MICU1: variants seen among roughly 807,000 people sequenced by gnomAD.
MICU1 encodes mitochondrial calcium uptake 1, also known as calcium uptake protein 1, mitochondrial.
MICU1 carries 45 observed loss-of-function variants against 56.8 expected under a neutral mutation model. That is an observed-to-expected ratio of 0.79 (90% CI 0.62 to 1.02). The LOEUF (loss-of-function observed/expected upper bound fraction) is 1.02. Among genes scored for constraint, MICU1 ranks in the 50% least tolerant of loss-of-function variants. The pLI, the probability that MICU1 is intolerant of heterozygous loss-of-function variation, is 0.00. For synonymous variants in MICU1, 186 were observed against 195.1 expected (o/e 0.95, Z 0.39); for missense variants, 504 against 587.1 (o/e 0.86, Z 1.46).
At chr10:72,468,294 CTTTTT>C (rs35225891) in intron 8 of MICU1, among the ~76,000 whole-genome samples, 11 of 136,650 alleles carry the variant, frequency 8.0e-5, no homozygotes, top group Admixed American at 5.8e-4. Context: ...TTAGTTTTTG[CTTTTT>C]TTTTTTTTTT....
chr10:72,512,748 G>A (rs1307726269), intron 5 of MICU1, among the ~76,000 whole-genome samples: 2 of 151,144 alleles, frequency 1.3e-5, no homozygotes, highest in African/African-American at 4.9e-5. Context: ...CACCCAGGCT[G>A]GAGTGCAGTG....
chr10:72,438,698 T>C (rs999257675), intron 8 of MICU1, among the ~76,000 whole-genome samples: 9 of 151,816 alleles, frequency 5.9e-5, no homozygotes, highest in African/African-American at 7.3e-5. Flanking sequence ...ATAGATACAA[T>C]AGAAAATGAT....
chr10:72,577,733 T>TA (rs200025988), intron 1 of MICU1, among the ~76,000 whole-genome samples: 4 of 151,852 alleles, frequency 2.6e-5, no homozygotes, highest in African/African-American at 9.7e-5. Flanking sequence ...AAATTTTTTT[T>TA]AAAGTAAAGC....
At chr10:72,507,317 T>C (rs977652054) in intron 6 of MICU1, among the ~76,000 whole-genome samples, 1 of 152,158 alleles carries the variant, frequency 6.6e-6, no homozygotes, top group African/African-American at 2.4e-5. Context: ...CATCAAAAAG[T>C]AATAAAATTT....
intron 3 of MICU1, among the ~76,000 whole-genome samples, chr10:72,552,843 C>T (rs1289543088): frequency 6.6e-6 from 1 of 152,094 alleles, no homozygotes; most frequent in Non-Finnish European, 1.5e-5. Flanking sequence ...CGTGAGCCAC[C>T]ACGCCCAGCC....
At chr10:72,591,423 AG>A (rs1418795353) in intron 1 of MICU1, among the ~76,000 whole-genome samples, 3 of 152,098 alleles carry the variant, frequency 2.0e-5, no homozygotes, top group Non-Finnish European at 4.4e-5. Context: ...GAGAAAAATC[AG>A]TAAAACCAAA....
At chr10:72,452,200 C>T (rs1265422485) in intron 8 of MICU1, among the ~76,000 whole-genome samples, 1 of 152,144 alleles carries the variant, frequency 6.6e-6, no homozygotes, top group African/African-American at 2.4e-5. Flanking sequence ...CCCTTCACTA[C>T]AATTCGAATA....
At chr10:72,417,453 CAAAAA>C (rs869171199) in intron 9 of MICU1, among the ~76,000 whole-genome samples, 2 of 66,464 alleles carry the variant, frequency 3.0e-5, no homozygotes. Flanking sequence ...GACTCCGTCT[CAAAAA>C]AAAAAAAAAA....
intron 5 of MICU1, among the ~76,000 whole-genome samples, chr10:72,522,585 C>T (rs1351218710): frequency 1.3e-5 from 2 of 152,104 alleles, no homozygotes; most frequent in East Asian, 3.8e-4. Context: ...AGTGGTGGAA[C>T]TCAGAGACTG....
At chr10:72,593,797 C>T (rs1188965652) in intron 1 of MICU1, among the ~76,000 whole-genome samples, 2 of 152,090 alleles carry the variant, frequency 1.3e-5, no homozygotes, top group African/African-American at 4.8e-5. Context: ...ATAATAAAAT[C>T]TTTAGGTATT....
chr10:72,493,362 AG>A (rs1332138328), intron 6 of MICU1, among the ~76,000 whole-genome samples: 5 of 152,294 alleles, frequency 3.3e-5, no homozygotes, highest in Admixed American at 3.3e-4. Flanking sequence ...GTCATTGCAC[AG>A]ATTTATTTTA....
intron 1 of MICU1, among the ~76,000 whole-genome samples, chr10:72,607,980 G>A (rs1381164791): frequency 6.6e-6 from 1 of 152,160 alleles, no homozygotes; most frequent in Non-Finnish European, 1.5e-5. Flanking sequence ...GAAGTGCTGA[G>A]TGACTGCGTG....
intron 10 of MICU1, among the ~76,000 whole-genome samples, chr10:72,389,619 T>TGTGTG (rs1211415651): frequency 6.6e-6 from 1 of 152,158 alleles, no homozygotes; most frequent in Non-Finnish European, 1.5e-5. Flanking sequence ...CCAGGGACTA[T>TGTGTG]ATTTGTGTGA....
chr10:72,474,258 C>CAAAAAAAAAAAAAAA (rs55978543), intron 8 of MICU1, among the ~76,000 whole-genome samples: 32 of 60,734 alleles, frequency 5.3e-4, no homozygotes, highest in Non-Finnish European at 6.4e-4. Flanking sequence ...AGGACTGTCT[C>CAAAAAAAAAAAAAAA]AAAAAAAAAA....
chr10:72,465,503 CTTTTTTT>C (rs10586216), intron 8 of MICU1, among the ~76,000 whole-genome samples: 2 of 57,744 alleles, frequency 3.5e-5, no homozygotes, highest in African/African-American at 9.7e-5. Context: ...CTGTTCAGGT[CTTTTTTT>C]TTTTTTTTTT....
intron 6 of MICU1, among the ~76,000 whole-genome samples, chr10:72,503,919 G>A (rs569044496): frequency 7.3e-5 from 11 of 150,704 alleles, no homozygotes; most frequent in African/African-American, 2.2e-4. Flanking sequence ...AGGAATATAC[G>A]TGACCAAGAA....
At chr10:72,576,225 C>CAA (rs34829939) in intron 1 of MICU1, among the ~76,000 whole-genome samples, 13,428 of 67,678 alleles carry the variant, frequency 0.2, 648 homozygotes, top group Middle Eastern at 0.3. Context: ...AAAAAAACAC[C>CAA]AAAAAAAAAA....
At chr10:72,564,494 G>A (rs1840375359) in intron 2 of MICU1, among the ~76,000 whole-genome samples, 1 of 139,122 alleles carries the variant, frequency 7.2e-6, no homozygotes, top group Admixed American at 7.8e-5. Flanking sequence ...AGCCGAGATT[G>A]TACCAATGTA....
intron 8 of MICU1, among the ~76,000 whole-genome samples, chr10:72,457,203 T>A (rs368805505): frequency 9.9e-5 from 15 of 151,254 alleles, no homozygotes; most frequent in African/African-American, 2.9e-4. Flanking sequence ...TTAGAAACTG[T>A]CTTACTTCCT....
Sources: allele counts gnomAD v4.1 joint callset (sites outside exome capture counted in the v4.1 genomes callset), GRCh38; gene constraint gnomAD v4.1.1; transcripts MANE v1.5; gene names NCBI Gene and HGNC (gene_info 2026-07-23, HGNC 2026-07-21).